FOLH1: variants seen among roughly 807,000 people sequenced by gnomAD.
FOLH1 encodes the protein folate hydrolase 1.
Under a neutral mutation model 93.9 loss-of-function variants are expected in FOLH1, and 54 were observed. That is an observed-to-expected ratio of 0.57 (90% CI 0.46 to 0.72). The LOEUF (loss-of-function observed/expected upper bound fraction) is 0.72. Ranked by LOEUF, FOLH1 falls within the 30% of genes least tolerant of loss-of-function variation. The pLI is 0.00. For missense variants in FOLH1, 571 were observed against 892.5 expected (o/e 0.64, Z 4.59); for synonymous variants, 249 against 303.6 (o/e 0.82, Z 1.87).
rs1255316364 is a variant in FOLH1, at chr11:49,174,922, T to C, written c.1075A>G (p.Ile359Val). 2.8e-5 allele frequency: 45 copies of C among 1,611,096 alleles called. No homozygotes were observed. The highest frequency in any genetic ancestry group is 3.7e-5 in the Non-Finnish European group (44 of 1,178,192). Residue 359 changes from isoleucine to valine, a missense_variant, in exon 9 of 19, where the codon ATA becomes GTA. Transcript: ENST00000256999. ...TNEVTRIYNV[I>V]GTLRGAVEPD... ...TCCACTGCTCCTCTGAGAGTACCTATCACATTGTAAATTCTTGTCACTTCA... is the reference window on the plus strand; with the variant it reads ...TCCACTGCTCCTCTGAGAGTACCTACCACATTGTAAATTCTTGTCACTTCA...
intron 11 of FOLH1, 45 bp from the exon 12 acceptor site, chr11:49,169,303 C>T (rs754270799): frequency 2.6e-5 from 40 of 1,558,368 alleles, no homozygotes; most frequent in Non-Finnish European, 3.4e-5. Flanking sequence ...ATAACCCACT[C>T]CCCCTCCCCC....
chr11:49,163,327 G>T (rs1387919904), intron 13 of FOLH1, among the ~76,000 whole-genome samples: 1 of 152,020 alleles, frequency 6.6e-6, no homozygotes, highest in Non-Finnish European at 1.5e-5. Flanking sequence ...GAGGAACGTA[G>T]TTGGGGATCT....
intron 9 of FOLH1, among the ~76,000 whole-genome samples, chr11:49,173,787 C>T (rs539811345): frequency 6.6e-6 from 1 of 151,942 alleles, no homozygotes; most frequent in South Asian, 2.1e-4. Flanking sequence ...ACTTCTCTTA[C>T]CTAACTTACC....
chr11:49,170,109 T>A (rs1319601914), intron 11 of FOLH1, among the ~76,000 whole-genome samples: 1 of 152,124 alleles, frequency 6.6e-6, no homozygotes, highest in Non-Finnish European at 1.5e-5. Flanking sequence ...CAGTAAATAT[T>A]TACAGCATGA....
At position 49,160,503 on chromosome 11, in the gene FOLH1, C is replaced by T. The variant is rs182357916; in HGVS notation, c.1441-2460G>A. On this transcript the variant is annotated intron_variant, in intron 13 of 18. Transcript: ENST00000256999. ...TGTTGTCCAGGCTGGAGTGCAGTGACGTGATCTCAGCTCACTGCAACCTCC... is the reference window on the plus strand; with the variant it reads ...TGTTGTCCAGGCTGGAGTGCAGTGATGTGATCTCAGCTCACTGCAACCTCC... Among the ~76,000 whole-genome samples, 766 of 151,836 alleles carry T rather than the reference C, an allele frequency of 5.0e-3. 10 individuals carry two copies. Among genetic ancestry groups the T allele is most frequent in the African/African-American group, 0.017 (688 of 41,384 alleles).
At chr11:49,193,052 A>T (rs561688059) in intron 3 of FOLH1, among the ~76,000 whole-genome samples, 158 bp from the exon 4 acceptor site, 1 of 152,326 alleles carries the variant, frequency 6.6e-6, no homozygotes, top group African/African-American at 2.4e-5. Flanking sequence ...CTATGCTAGA[A>T]GTTGTGAAGA....
intron 7 of FOLH1, among the ~76,000 whole-genome samples, chr11:49,180,825 T>C (rs781308774): frequency 2.0e-5 from 3 of 152,236 alleles, no homozygotes; most frequent in Non-Finnish European, 4.4e-5. Context: ...TTTTTAATTA[T>C]GAAATTTTGA....
chr11:49,193,407 T>A (rs1164024629), intron 3 of FOLH1, among the ~76,000 whole-genome samples: 1 of 152,196 alleles, frequency 6.6e-6, no homozygotes, highest in Non-Finnish European at 1.5e-5. Context: ...TTGAGAGAAC[T>A]TGTAAGGACT....
chr11:49,195,934 T>C (rs537336844), intron 3 of FOLH1, among the ~76,000 whole-genome samples: 1 of 152,238 alleles, frequency 6.6e-6, no homozygotes, highest in African/African-American at 2.4e-5. Flanking sequence ...GGCGGGTGGA[T>C]TACAAGGTCA....
Position 49,157,958 on chromosome 11 carries a change from A to G in FOLH1, c.1526T>C (p.Met509Thr), listed in dbSNP as rs1193893649. ...ACTTCATTCATTTGTTTACCTGGGC[A>G]TGCCACTGAACTCTGGGGAAGGACT... ...KKSPSPEFSGMPRISKLGSGN... is the reference protein window; with the variant it reads ...KKSPSPEFSGTPRISKLGSGN... Residue 509 changes from methionine to threonine, a missense_variant, in exon 14 of 19, where the codon ATG becomes ACG. Physicochemically the swap from Met to Thr is moderately conservative, Grantham distance 81. Transcript: ENST00000256999. The G allele has an allele frequency of 6.3e-7, 1 of 1,585,208 alleles. No individual in the cohort carries two copies. The highest frequency in any genetic ancestry group is 8.6e-7 in the Non-Finnish European group (1 of 1,163,882).
At chr11:49,156,451 A>T (rs1321015470) in intron 15 of FOLH1, among the ~76,000 whole-genome samples, 1 of 152,108 alleles carries the variant, frequency 6.6e-6, no homozygotes, top group Non-Finnish European at 1.5e-5. Context: ...CCACCAAATG[A>T]AACAGAAAAT....
chr11:49,161,013 C>A (rs535954989), intron 13 of FOLH1, among the ~76,000 whole-genome samples: 34 of 152,000 alleles, frequency 2.2e-4, no homozygotes, highest in African/African-American at 7.5e-4. Context: ...AATTTCATTT[C>A]TTTTGCTTTT....
At chr11:49,156,186 A>G (rs2134919547) in intron 15 of FOLH1, among the ~76,000 whole-genome samples, 1 of 151,972 alleles carries the variant, frequency 6.6e-6, no homozygotes, top group Non-Finnish European at 1.5e-5. Flanking sequence ...AATTAAACAT[A>G]TTTCCCTTTT....
At chr11:49,184,610 T>C (rs1440327409) in intron 6 of FOLH1, among the ~76,000 whole-genome samples, 2 of 152,258 alleles carry the variant, frequency 1.3e-5, no homozygotes, top group South Asian at 2.1e-4. Flanking sequence ...AAAAAATCTC[T>C]GACAATGTAT....
At chr11:49,171,417 T>G (rs1350041121) in intron 10 of FOLH1, 140 bp from the exon 11 acceptor site, 3 of 1,187,734 alleles carry the variant, frequency 2.5e-6, no homozygotes, top group Non-Finnish European at 3.5e-6. Context: ...AATCTTTACT[T>G]ACGTAACTTT....
intron 17 of FOLH1, among the ~76,000 whole-genome samples, chr11:49,150,632 C>CT (rs1485794231): frequency 5.9e-5 from 9 of 152,094 alleles, no homozygotes; most frequent in African/African-American, 2.2e-4. Context: ...TTACTTAAGT[C>CT]TTTCAACAAT....
intron 4 of FOLH1, among the ~76,000 whole-genome samples, 193 bp from the exon 5 acceptor site, chr11:49,186,962 A>G (rs187231870): frequency 6.6e-6 from 1 of 152,334 alleles, no homozygotes; most frequent in East Asian, 1.9e-4. Flanking sequence ...ATGGGCTAGA[A>G]GCACATGAAT....
intron 17 of FOLH1, among the ~76,000 whole-genome samples, 184 bp from the exon 18 acceptor site, chr11:49,148,915 C>T (rs1856101338): frequency 6.6e-6 from 1 of 152,142 alleles, no homozygotes; most frequent in Admixed American, 6.6e-5. Flanking sequence ...AAAGTCGGCC[C>T]TCCTCCTTTG....
intron 7 of FOLH1, among the ~76,000 whole-genome samples, chr11:49,182,524 G>C (rs7925435): frequency 0.034 from 5,124 of 152,172 alleles, 124 homozygotes; most frequent in Non-Finnish European, 0.051. Flanking sequence ...CTCATAGTGT[G>C]TTATTCTGGG....
Sources: allele counts gnomAD v4.1 joint callset (sites outside exome capture counted in the v4.1 genomes callset), GRCh38; gene constraint gnomAD v4.1.1; transcripts MANE v1.5; gene names NCBI Gene and HGNC (gene_info 2026-07-23, HGNC 2026-07-21).